Variants in TMEM135 observed in about 807,000 individuals in gnomAD.
TMEM135 encodes the protein transmembrane protein 135, also known as peroxisomal membrane protein 52.
Under a neutral mutation model 60.3 loss-of-function variants are expected in TMEM135, and 30 were observed. That is an observed-to-expected ratio of 0.50 (90% confidence interval 0.37 to 0.68). TMEM135 has a LOEUF of 0.68. Among genes scored for constraint, TMEM135 ranks in the 30% least tolerant of loss-of-function variants. TMEM135 has a pLI of 0.00. For synonymous variants in TMEM135, 190 were observed against 186.7 expected, an observed-to-expected ratio of 1.02 and a Z score of -0.14; for missense variants, 468 against 548.8, an observed-to-expected ratio of 0.85 and a Z score of 1.47.
chr11:87,066,022 A>C (rs1001716896), intron 1 of TMEM135, among the ~76,000 whole-genome samples: 7 of 152,210 alleles, frequency 4.6e-5, no homozygotes, highest in Non-Finnish European at 1.0e-4. Flanking sequence ...ATGAGAGTTG[A>C]ATCGAAGTAA....
chr11:87,093,257 A>G (rs1857250038), intron 4 of TMEM135, among the ~76,000 whole-genome samples: 1 of 152,076 alleles, frequency 6.6e-6, no homozygotes, highest in Non-Finnish European at 1.5e-5. Context: ...TGTATTGCCC[A>G]GGCTGGAGTA....
intron 5 of TMEM135, among the ~76,000 whole-genome samples, chr11:87,167,798 T>G (rs1333182566): frequency 6.6e-6 from 1 of 152,192 alleles, no homozygotes; most frequent in African/African-American, 2.4e-5. Context: ...TGCCACGTTT[T>G]GGTATCAGGA....
intron 4 of TMEM135, among the ~76,000 whole-genome samples, chr11:87,134,258 T>A (rs887998739): frequency 2.6e-5 from 4 of 152,176 alleles, no homozygotes; most frequent in Admixed American, 6.5e-5. Flanking sequence ...TGTGTCTAAA[T>A]ATTTTCTTCC....
chr11:87,321,745 C>A lies in TMEM135; in HGVS notation c.*412C>A, dbSNP rs1424403771. The A allele has an allele frequency of 2.2e-6, 1 of 455,808 alleles. No individual in the cohort carries two copies. The allele number at this position is 455,808 out of a possible 1,614,324, so 28.2% of individuals were successfully genotyped here. On this transcript the variant is annotated 3_prime_UTR_variant, in exon 15 of 15. Coordinates refer to ENST00000305494, the MANE Select transcript of TMEM135 (RefSeq NM_022918.4). ...CTACATTTTAGGATTTACAAAGGAT[C>A]ACGGGTACATGGATTTGGTCTATAT... is the stretch of plus-strand genomic sequence containing the variant.
Position 87,277,653 on chromosome 11 carries a change from T to G in TMEM135, c.510-18129T>G, listed in dbSNP as rs1941992301. Among the ~76,000 whole-genome samples the G allele has an allele frequency of 2.0e-5, 3 of 151,544 alleles. No homozygotes were observed. The South Asian group carries it at 6.3e-4, about 32-fold the overall frequency. ...TCTCCTGCCTCAGCCTCCCTAGTAA[T>G]TGGGATTACAGGCGCCCACCACCAC... On this transcript the variant is annotated intron_variant, in intron 6 of 14. Transcript: ENST00000305494.
At chr11:87,306,148 GA>G (rs1431798031) in intron 9 of TMEM135, 143 bp downstream of exon 9, 4 of 454,368 alleles carry the variant, frequency 8.8e-6, no homozygotes, top group Non-Finnish European at 1.5e-5. Flanking sequence ...TCAAGAGTGA[GA>G]AATTTATGAC....
At chr11:87,114,717 A>G (rs529980669) in intron 4 of TMEM135, among the ~76,000 whole-genome samples, 9 of 152,184 alleles carry the variant, frequency 5.9e-5, no homozygotes, top group Non-Finnish European at 1.3e-4. Context: ...ATAACAGTTA[A>G]GCTGCTTTTG....
rs1344835733 is a variant in TMEM135, at chr11:87,286,559, C to T, written c.510-9223C>T. On this transcript the variant is annotated intron_variant, in intron 6 of 14. Coordinates refer to ENST00000305494, the MANE Select transcript of TMEM135 (RefSeq NM_022918.4). Reference sequence around the variant, plus strand: ...TTAGGCGGTCGATGGGACCGGGGGCCACAGAGCAGGGGGCGGCGCCCGTCA... The same window carrying T: ...TTAGGCGGTCGATGGGACCGGGGGCTACAGAGCAGGGGGCGGCGCCCGTCA... 2.6e-5 allele frequency among the ~76,000 whole-genome samples: 4 copies of T among 152,294 alleles called. No homozygotes were observed. The South Asian group carries it at 6.2e-4, about 24-fold the overall frequency.
intron 5 of TMEM135, among the ~76,000 whole-genome samples, chr11:87,199,114 C>T (rs1248726314): frequency 1.3e-5 from 2 of 152,204 alleles, no homozygotes; most frequent in Non-Finnish European, 1.5e-5. Flanking sequence ...GTAATCTCAG[C>T]ACTTCGGGAG....
chr11:87,155,818 T>A (rs910861052), intron 4 of TMEM135, among the ~76,000 whole-genome samples: 1 of 152,188 alleles, frequency 6.6e-6, no homozygotes, highest in Non-Finnish European at 1.5e-5. Flanking sequence ...TTACTGGAAT[T>A]CAGGATCTGT....
At chr11:87,317,808 T>G (rs187778957) in intron 12 of TMEM135, among the ~76,000 whole-genome samples, 1 of 152,130 alleles carries the variant, frequency 6.6e-6, no homozygotes, top group Admixed American at 6.5e-5. Flanking sequence ...ACTGAATAAA[T>G]TAATAAAGGA....
intron 6 of TMEM135, among the ~76,000 whole-genome samples, chr11:87,259,422 T>TAC (rs1288038108): frequency 2.0e-5 from 3 of 151,372 alleles, no homozygotes; most frequent in South Asian, 2.1e-4. Flanking sequence ...AGAGCGGGAA[T>TAC]ACACACACAC....
chr11:87,293,455 G>A (rs761996191), intron 6 of TMEM135, among the ~76,000 whole-genome samples: 5 of 151,550 alleles, frequency 3.3e-5, no homozygotes, highest in East Asian at 3.9e-4. Context: ...ATACGTATAC[G>A]TGTGCCATGG....
chr11:87,080,937 T>A (rs1846225295), intron 3 of TMEM135, among the ~76,000 whole-genome samples: 1 of 152,036 alleles, frequency 6.6e-6, no homozygotes, highest in Admixed American at 6.6e-5. Flanking sequence ...CCACACGCCT[T>A]GGCCTCCCGA....
chr11:87,158,893 T>G (rs1449094589), intron 5 of TMEM135, among the ~76,000 whole-genome samples: 3 of 152,230 alleles, frequency 2.0e-5, no homozygotes, highest in African/African-American at 7.2e-5. Flanking sequence ...TAAGGTCAGA[T>G]GTAGTAATCT....
chr11:87,217,318 T>A (rs1052939618), intron 5 of TMEM135, among the ~76,000 whole-genome samples: 1 of 152,200 alleles, frequency 6.6e-6, no homozygotes, highest in Non-Finnish European at 1.5e-5. Context: ...CTTGTAGTTC[T>A]CTTGACCTAC....
chr11:87,262,646 G>C (rs567396890), intron 6 of TMEM135, among the ~76,000 whole-genome samples: 8 of 152,184 alleles, frequency 5.3e-5, no homozygotes, highest in African/African-American at 1.9e-4. Context: ...CATAAAATCT[G>C]AGTGGCATAT....
chr11:87,067,137 A>G (rs1856680751), intron 1 of TMEM135, among the ~76,000 whole-genome samples: 1 of 147,930 alleles, frequency 6.8e-6, no homozygotes, highest in Non-Finnish European at 1.5e-5. Context: ...CCAGGAGGCC[A>G]GAAATCATTA....
At chr11:87,191,350 C>T (rs1027236569) in intron 5 of TMEM135, among the ~76,000 whole-genome samples, 5 of 152,098 alleles carry the variant, frequency 3.3e-5, no homozygotes, top group African/African-American at 9.7e-5. Context: ...ACACCATTCT[C>T]CTGCCTCAGC....
Sources: allele counts gnomAD v4.1 joint callset (sites outside exome capture counted in the v4.1 genomes callset), GRCh38; gene constraint gnomAD v4.1.1; transcripts MANE v1.5; gene names NCBI Gene and HGNC (gene_info 2026-07-23, HGNC 2026-07-21).